Variants in C5 observed in about 807,000 individuals in gnomAD.
C5 encodes the protein complement C5.
Under a neutral mutation model 218.8 loss-of-function variants are expected in C5, and 140 were observed. That is an observed-to-expected ratio of 0.64 (90% confidence interval 0.56 to 0.74). The LOEUF is 0.74. Among genes scored for constraint, C5 ranks in the 30% least tolerant of loss-of-function variants. The pLI is 0.00. For synonymous variants in C5, 614 were observed against 682.3 expected, an observed-to-expected ratio of 0.90 and a Z score of 1.56; for missense variants, 1,700 against 1,969.6, an observed-to-expected ratio of 0.86 and a Z score of 2.59.
intron 7 of C5, among the ~76,000 whole-genome samples, chr9:121,028,601 A>G (rs1479484873): frequency 6.6e-6 from 1 of 152,120 alleles, no homozygotes; most frequent in African/African-American, 2.4e-5. Flanking sequence ...AGGACAGAAA[A>G]CCAAATGCCG....
At chr9:120,969,490 AAAAT>A (rs2046894449) in intron 32 of C5, among the ~76,000 whole-genome samples, 2 of 152,176 alleles carry the variant, frequency 1.3e-5, no homozygotes, top group South Asian at 4.1e-4. Context: ...CAATAGATGG[AAAAT>A]ATCAGGGCAG....
chr9:121,029,622 C>G (rs896586300), intron 7 of C5, among the ~76,000 whole-genome samples: 1 of 152,222 alleles, frequency 6.6e-6, no homozygotes, highest in Non-Finnish European at 1.5e-5. Context: ...CCCCAATTCT[C>G]TACCTCCCCA....
rs766792776 is a variant in C5, at chr9:120,991,262, T to A, written c.2870A>T (p.Lys957Met). The A allele has an allele frequency of 6.2e-7, 1 of 1,607,396 alleles. No homozygotes were observed. The highest frequency in any genetic ancestry group is 2.2e-5 in the East Asian group (1 of 44,822). Residue 957 changes from lysine to methionine, a missense_variant, in exon 23 of 41, where the codon AAG becomes ATG. Lys to Met is a moderately conservative substitution (Grantham distance 95, BLOSUM62 -1). Transcript: ENST00000223642. The part of the protein sequence containing the change: ...RGIYGTISRR[K>M]EFPYRIPLDL... ...TAAGGGTATCCTGTATGGGAACTCC[T>A]TTCGTCTGCTAATGGTACCTGTAAT...
At chr9:121,064,935 G>A in the C5 span, among the ~76,000 whole-genome samples, 2 of 152,112 alleles carry the variant, frequency 1.3e-5, no homozygotes, top group Non-Finnish European at 2.9e-5. Flanking sequence ...CATGGTGGCG[G>A]TGCCTGTAAT....
At chr9:121,007,956 A>T (rs2047229362) in intron 18 of C5, among the ~76,000 whole-genome samples, 3 of 152,226 alleles carry the variant, frequency 2.0e-5, no homozygotes, top group Admixed American at 2.0e-4. Flanking sequence ...CCATCTAAGA[A>T]GAGTATGGCT....
intron 20 of C5, among the ~76,000 whole-genome samples, chr9:121,000,209 T>G (rs1476422842): frequency 2.6e-5 from 4 of 152,318 alleles, no homozygotes; most frequent in South Asian, 4.1e-4. Flanking sequence ...ATGTAAAAGA[T>G]TCAATATGGC....
At chr9:121,022,113 T>C (rs1051630606) in intron 10 of C5, among the ~76,000 whole-genome samples, 4 of 152,204 alleles carry the variant, frequency 2.6e-5, no homozygotes, top group African/African-American at 9.6e-5. Flanking sequence ...ATAAATATCA[T>C]TCTATTAAGT....
chr9:121,003,233 G>A (rs2047186203), intron 20 of C5, among the ~76,000 whole-genome samples: 1 of 152,030 alleles, frequency 6.6e-6, no homozygotes, highest in Non-Finnish European at 1.5e-5. Flanking sequence ...GGAGGCTGCA[G>A]TGAACCGAGA....
chr9:121,032,005 G>A (rs1387498016), intron 6 of C5, 108 bp downstream of exon 6: 7 of 643,890 alleles, frequency 1.1e-5, no homozygotes, highest in Non-Finnish European at 1.7e-5. Context: ...GGAGGTTGCA[G>A]TGAGCTGAGA....
intron 15 of C5, 113 bp downstream of exon 15, chr9:121,016,141 G>T: frequency 7.4e-7 from 1 of 1,348,470 alleles, no homozygotes; most frequent in Non-Finnish European, 1.1e-6. Flanking sequence ...GAGTTATGTA[G>T]TCTTGGCATT....
intron 25 of C5, among the ~76,000 whole-genome samples, chr9:120,988,050 C>T (rs899986017): frequency 6.6e-6 from 1 of 152,236 alleles, no homozygotes; most frequent in Admixed American, 6.5e-5. Context: ...CTTGTCCTCC[C>T]AAAGTGCTGG....
At position 121,046,177 on chromosome 9, in the gene C5, G is replaced by A. The variant is rs780859957; in HGVS notation, c.258+14C>T. The A allele has an allele frequency of 2.2e-6, 3 of 1,395,264 alleles. No homozygotes were observed. Among genetic ancestry groups the A allele is most frequent in the East Asian group, 2.3e-5 (1 of 43,552 alleles). 86.4% of individuals were successfully genotyped at this position (1,395,264 alleles called of 1,614,324 possible). A position where few individuals can be genotyped will look rare whatever the true frequency, so the allele number is the denominator to read the frequency against. ...TGTATATATATATAAAGAAAATAAAGGATAAATACATACTGTTAAGATTGC... is the reference window on the plus strand; with the variant it reads ...TGTATATATATATAAAGAAAATAAAAGATAAATACATACTGTTAAGATTGC... On this transcript the variant is annotated intron_variant, in intron 2 of 40. Transcript: ENST00000223642.
the C5 span, among the ~76,000 whole-genome samples, chr9:121,055,609 T>G: frequency 3.3e-5 from 5 of 152,316 alleles, no homozygotes; most frequent in East Asian, 9.7e-4. Context: ...TCCTGGATAG[T>G]GTTTCTAGGC....
At chr9:120,957,249 C>G in intron 39 of C5, 36 bp downstream of exon 39, 2 of 1,397,894 alleles carry the variant, frequency 1.4e-6, no homozygotes, top group East Asian at 4.6e-5. Context: ...TAAATAGTTG[C>G]TGAATGAAGG....
chr9:120,982,968 T>C (rs1254370567), intron 25 of C5, among the ~76,000 whole-genome samples, 154 bp from the exon 26 acceptor site: 1 of 152,210 alleles, frequency 6.6e-6, no homozygotes, highest in Non-Finnish European at 1.5e-5. Flanking sequence ...GGGAAGATTT[T>C]TGGAATACCT....
At chr9:121,061,751 T>G in the C5 span, among the ~76,000 whole-genome samples, 2 of 152,244 alleles carry the variant, frequency 1.3e-5, no homozygotes, top group Admixed American at 6.5e-5. Flanking sequence ...TTGCCAAAAT[T>G]ACACCATTTG....
At chr9:121,022,679 G>A (rs952671924) in intron 10 of C5, among the ~76,000 whole-genome samples, 1 of 149,374 alleles carries the variant, frequency 6.7e-6, no homozygotes, top group African/African-American at 2.4e-5. Context: ...TTAAGGGCAG[G>A]GAATAAACAT....
chr9:121,029,211 T>A (rs1192038156), intron 7 of C5, among the ~76,000 whole-genome samples: 3 of 152,194 alleles, frequency 2.0e-5, no homozygotes, highest in African/African-American at 4.8e-5. Context: ...ATAGTCCCCA[T>A]TATAGGAGGT....
intron 31 of C5, among the ~76,000 whole-genome samples, chr9:120,971,467 T>G (rs1157975048): frequency 1.3e-5 from 2 of 151,924 alleles, no homozygotes; most frequent in Admixed American, 6.6e-5. Context: ...TGAGACGGAG[T>G]CTTGCTCTGT....
Sources: gnomAD v4.1 joint callset for allele counts (sites outside exome capture counted in the v4.1 genomes callset) on GRCh38, gnomAD v4.1.1 for gene constraint, MANE v1.5 for transcripts, NCBI Gene and HGNC (gene_info 2026-07-23, HGNC 2026-07-21) for gene names.